Variants in AGMO observed in about 807,000 individuals in gnomAD.
The protein encoded by AGMO is alkylglycerol monooxygenase.
A neutral mutation model predicts 60.2 loss-of-function variants in AGMO; 75 were observed. That is an observed-to-expected ratio of 1.25 (90% confidence interval 1.03 to 1.51). AGMO has a LOEUF of 1.51. Among genes scored for constraint, AGMO ranks in the 40% most tolerant of loss-of-function variants. The probability of loss-of-function intolerance (pLI) is 0.00; values close to 1 mark genes in which losing one functional copy is unlikely to be tolerated. For missense variants in AGMO, 763 were observed against 525.5 expected (o/e 1.45, Z -4.42); for synonymous variants, 261 against 177.1 (o/e 1.47, Z -3.76).
chr7:15,343,702 C>T (rs1781937164), intron 12 of AGMO, among the ~76,000 whole-genome samples: 1 of 152,092 alleles, frequency 6.6e-6, no homozygotes, highest in Non-Finnish European at 1.5e-5. Context: ...TTTGTGGTTT[C>T]AGCTTACATT....
At chr7:15,420,776 C>G (rs1780901960) in intron 4 of AGMO, among the ~76,000 whole-genome samples, 1 of 148,044 alleles carries the variant, frequency 6.8e-6, no homozygotes, top group South Asian at 2.1e-4. Flanking sequence ...AACTTGGTAG[C>G]TGGATTAGGC....
chr7:15,373,666 C>G (rs974302335), intron 10 of AGMO, among the ~76,000 whole-genome samples: 18 of 152,120 alleles, frequency 1.2e-4, no homozygotes, highest in African/African-American at 4.3e-4. Context: ...TCAGTCACTA[C>G]ATCCTAAAAT....
At position 15,394,281 on chromosome 7, in the gene AGMO, C is replaced by T. The variant is rs1308648112; in HGVS notation, c.610-102G>A. 6.6e-6 allele frequency: 6 copies of T among 904,516 alleles called. No individual in the cohort carries two copies. In the East Asian group the frequency reaches 7.5e-5, roughly 11 times the overall value. The allele number at this position is 904,516 out of a possible 1,614,324, so 56.0% of individuals were successfully genotyped here. A position where few individuals can be genotyped will look rare whatever the true frequency, so the allele number is the denominator to read the frequency against. ...AACTCACATAAATTAAGAGATATTG[C>T]GAATTTCAGGGTTGGTATCAGAGAG... On this transcript the variant is annotated intron_variant, in intron 5 of 12. Coordinates refer to ENST00000342526, the MANE Select transcript of AGMO (RefSeq NM_001004320.2).
chr7:15,354,436 GTA>G (rs59558383), intron 12 of AGMO, among the ~76,000 whole-genome samples: 2,066 of 21,530 alleles, frequency 0.096, 154 homozygotes, highest in African/African-American at 0.25. Context: ...ACACGTGTGT[GTA>G]TACACACGTG....
downstream of AGMO, among the ~76,000 whole-genome samples, chr7:15,198,196 CG>C (rs1781169376): frequency 2.6e-5 from 2 of 77,356 alleles, no homozygotes; most frequent in Non-Finnish European, 5.6e-5. Flanking sequence ...AGGGCTTTCC[CG>C]AGAGAGAGAG....
chr7:15,396,691 T>A (rs2128488132), intron 5 of AGMO: 1 of 151,802 alleles, frequency 6.6e-6, no homozygotes, highest in African/African-American at 2.4e-5. Flanking sequence ...TACAGAGAGC[T>A]GATTGGTCCA....
intron 12 of AGMO, among the ~76,000 whole-genome samples, chr7:15,307,933 C>T (rs1780662429): frequency 6.6e-6 from 1 of 152,078 alleles, no homozygotes; most frequent in African/African-American, 2.4e-5. Context: ...TTATGTCTCT[C>T]TCTTGTCAAT....
intron 12 of AGMO, among the ~76,000 whole-genome samples, chr7:15,219,302 G>A (rs188506737): frequency 1.4e-4 from 21 of 152,234 alleles, no homozygotes; most frequent in Non-Finnish European, 2.2e-4. Flanking sequence ...AGACAATCAA[G>A]GAAAGTGGCA....
intron 12 of AGMO, among the ~76,000 whole-genome samples, chr7:15,287,174 T>C (rs962008185): frequency 6.6e-6 from 1 of 152,140 alleles, no homozygotes; most frequent in African/African-American, 2.4e-5. Flanking sequence ...TTTACCACTA[T>C]ACAATTCATC....
intron 3 of AGMO, among the ~76,000 whole-genome samples, chr7:15,445,639 A>G (rs1781680778): frequency 6.6e-6 from 1 of 152,210 alleles, no homozygotes; most frequent in Admixed American, 6.5e-5. Flanking sequence ...AATGTGATAT[A>G]TTACTCTTAT....
In AGMO at chr7:15,387,491, A is replaced by T. The variant is rs1357075385; in HGVS notation, c.872T>A (p.Phe291Tyr). Residue 291 changes from phenylalanine (F) to tyrosine (Y), a missense_variant, in exon 9 of 13, where the codon TTC (phenylalanine) becomes TAC (tyrosine). Coordinates refer to ENST00000342526, the MANE Select transcript of AGMO (RefSeq NM_001004320.2). The part of the protein sequence containing the change: ...IWTTFWATPG[F>Y]FNKFSVIFKG... Reference sequence around the variant, plus strand: ...AAATATGACAGAAAACTTATTGAAGAATCCAGGTGTGGCCCAGAATGTAGT... The same window carrying T: ...AAATATGACAGAAAACTTATTGAAGTATCCAGGTGTGGCCCAGAATGTAGT... 2 of 1,614,048 alleles carry T rather than the reference A, an allele frequency of 1.2e-6. No homozygotes were observed. Among genetic ancestry groups the T allele is most frequent in the Non-Finnish European group, 8.5e-7 (1 of 1,179,918 alleles).
At chr7:15,384,556 C>A (rs751222826) in intron 10 of AGMO, among the ~76,000 whole-genome samples, 3 of 152,076 alleles carry the variant, frequency 2.0e-5, no homozygotes, top group Non-Finnish European at 2.9e-5. Context: ...CTTTGCTACA[C>A]CTGTTTCTTT....
chr7:15,229,740 A>AATTTATATATAATATAAT, intron 12 of AGMO, among the ~76,000 whole-genome samples: 1 of 147,198 alleles, frequency 6.8e-6, no homozygotes, highest in East Asian at 2.0e-4. Context: ...TATATATTAT[A>AATTTATATATAATATAAT]ATATATATAA....
intron 3 of AGMO, among the ~76,000 whole-genome samples, chr7:15,455,298 T>C (rs1375131633): frequency 1.3e-5 from 2 of 152,162 alleles, no homozygotes. Context: ...AATCTATCAT[T>C]AGTTTATTCC....
the AGMO span, among the ~76,000 whole-genome samples, chr7:15,150,854 C>T: frequency 2.6e-5 from 4 of 151,942 alleles, no homozygotes; most frequent in Non-Finnish European, 2.9e-5. Flanking sequence ...GGAGATAGTC[C>T]CTCCTCCTTG....
At chr7:15,179,923 G>A in the AGMO span, among the ~76,000 whole-genome samples, 1 of 152,142 alleles carries the variant, frequency 6.6e-6, no homozygotes, top group Admixed American at 6.5e-5. Context: ...TTGCCACAGG[G>A]GTACTGTGCT....
intron 12 of AGMO, among the ~76,000 whole-genome samples, chr7:15,277,533 T>C (rs1255986272): frequency 1.1e-5 from 1 of 94,284 alleles, no homozygotes; most frequent in Non-Finnish European, 2.2e-5. Context: ...TTGGATTGGA[T>C]TTTTTTTTTC....
rs945751088 is a variant in AGMO at position 15,232,191 on chromosome 7, C to G, written c.1264-30832G>C. 4.6e-5 allele frequency among the ~76,000 whole-genome samples: 7 copies of G among 152,140 alleles called. 1 individual carries two copies. Among genetic ancestry groups the G allele is most frequent in the South Asian group, 2.1e-4 (1 of 4,832 alleles). ...TTCCCTTGCCTACGCTCTACATTAT[C>G]CATTTGCTCACTCTGTACAACAGTA... is the stretch of plus-strand genomic sequence containing the variant. On this transcript the variant is annotated intron_variant, in intron 12 of 12. Coordinates refer to ENST00000342526, the MANE Select transcript of AGMO (RefSeq NM_001004320.2).
chr7:15,158,637 C>G, the AGMO span, among the ~76,000 whole-genome samples: 34 of 152,210 alleles, frequency 2.2e-4, no homozygotes, highest in Non-Finnish European at 4.1e-4. Flanking sequence ...AATTAAGGCC[C>G]AAAGGCACAG....
Sources: gnomAD v4.1 joint callset for allele counts (sites outside exome capture counted in the v4.1 genomes callset) on GRCh38, gnomAD v4.1.1 for gene constraint, MANE v1.5 for transcripts, NCBI Gene and HGNC (gene_info 2026-07-23, HGNC 2026-07-21) for gene names.